Variants in COBL observed in about 807,000 individuals in gnomAD.
The protein encoded by COBL is cordon-bleu WH2 repeat protein, also known as protein cordon-bleu.
COBL carries 51 observed loss-of-function variants against 98.8 expected under a neutral mutation model. That is an observed-to-expected ratio of 0.52 (90% CI 0.41 to 0.65). The LOEUF (loss-of-function observed/expected upper bound fraction) is 0.65. Among genes scored for constraint, COBL ranks in the 30% least tolerant of loss-of-function variants. The probability of loss-of-function intolerance (pLI) is 0.00; values close to 1 mark genes in which losing one functional copy is unlikely to be tolerated. For synonymous variants in COBL, 634 were observed against 651.7 expected (o/e 0.97, Z 0.41); for missense variants, 1,617 against 1,617.5 (o/e 1.00, Z 0.01).
chr7:51,190,573 C>CACCTT (rs1372696008), intron 4 of COBL, among the ~76,000 whole-genome samples: 1 of 152,170 alleles, frequency 6.6e-6, no homozygotes, highest in Non-Finnish European at 1.5e-5. Flanking sequence ...AATCTCACCT[C>CACCTT]ACCTTTTCCC....
rs545077679 is a variant in COBL, at chr7:51,177,211, C to T, written c.783+6891G>A. Among the ~76,000 whole-genome samples, 20 of 152,240 alleles carry T rather than the reference C, an allele frequency of 1.3e-4. 1 individual carries two copies. In the South Asian group the frequency reaches 2.5e-3, roughly 19 times the overall value. ...GGCCAAGAGCTGTGGGGCAGAGCTA[C>T]GCTACATGTCTTCCCTGGCTCACTT... On this transcript the variant is annotated intron_variant, in intron 5 of 12. Coordinates refer to ENST00000265136, the MANE Select transcript of COBL (RefSeq NM_015198.5).
chr7:51,222,947 G>C (rs1194469107), intron 1 of COBL, among the ~76,000 whole-genome samples: 1 of 152,144 alleles, frequency 6.6e-6, no homozygotes, highest in Non-Finnish European at 1.5e-5. Context: ...CCTTGTAATA[G>C]AATTTTATCC....
Position 51,302,556 on chromosome 7 carries a change from G to T in COBL, c.41+14037C>A, listed in dbSNP as rs956168118. On this transcript the variant is annotated intron_variant, in intron 1 of 12. Coordinates refer to ENST00000265136, the MANE Select transcript of COBL (RefSeq NM_015198.5). ...ATATTGCGCCATTGCACTCCAGCCT[G>T]GGCAACAAGAGCGAAACTCCGTCTC... 4.0e-5 allele frequency among the ~76,000 whole-genome samples: 6 copies of T among 150,252 alleles called. No individual in the cohort carries two copies. In the East Asian group the frequency reaches 6.0e-4, roughly 15 times the overall value.
chr7:51,078,575 T>C (rs1262413063), intron 7 of COBL, among the ~76,000 whole-genome samples: 1 of 152,246 alleles, frequency 6.6e-6, no homozygotes, highest in African/African-American at 2.4e-5. Flanking sequence ...TTTAGTTATC[T>C]ATTGCTGCAG....
At chr7:51,106,483 G>A (rs1237753974) in intron 6 of COBL, among the ~76,000 whole-genome samples, 3 of 152,262 alleles carry the variant, frequency 2.0e-5, no homozygotes, top group South Asian at 2.1e-4. Flanking sequence ...TCCCAAATCC[G>A]AAACAAGAAA....
intron 7 of COBL, among the ~76,000 whole-genome samples, chr7:51,066,867 G>A (rs553987848): frequency 7.2e-5 from 11 of 152,222 alleles, no homozygotes; most frequent in Non-Finnish European, 1.5e-4. Context: ...GGGCAGAGAC[G>A]AAAGATGAGG....
intron 1 of COBL, among the ~76,000 whole-genome samples, chr7:51,225,617 T>C (rs1475573057): frequency 6.6e-6 from 1 of 152,212 alleles, no homozygotes; most frequent in African/African-American, 2.4e-5. Flanking sequence ...GTTTATAAAA[T>C]GAAAAAGTAT....
chr7:51,021,707 CCATAATATACACGAAAGTGT>C (rs1349961407), intron 12 of COBL, among the ~76,000 whole-genome samples: 2 of 152,170 alleles, frequency 1.3e-5, no homozygotes, highest in Non-Finnish European at 2.9e-5. Flanking sequence ...TGTTCGCATG[CCATAATATACACGAAAGTGT>C]ATTTGCTATG....
At chr7:51,106,071 G>A (rs1303368206) in intron 6 of COBL, among the ~76,000 whole-genome samples, 1 of 150,664 alleles carries the variant, frequency 6.6e-6, no homozygotes, top group Non-Finnish European at 1.5e-5. Context: ...GGGGGTGGTG[G>A]CACGCACCTG....
chr7:51,055,676 C>A (rs943822111), intron 7 of COBL, among the ~76,000 whole-genome samples: 2 of 152,196 alleles, frequency 1.3e-5, no homozygotes, highest in African/African-American at 4.8e-5. Flanking sequence ...TGCTGCCGGC[C>A]GGCCGGCCTG....
intron 4 of COBL, among the ~76,000 whole-genome samples, chr7:51,188,123 G>A (rs2129054976): frequency 6.6e-6 from 1 of 152,372 alleles, no homozygotes; most frequent in African/African-American, 2.4e-5. Context: ...CCCTCTCAGG[G>A]CCACAGCTGC....
At chr7:51,040,579 T>C (rs1015511194) in intron 8 of COBL, among the ~76,000 whole-genome samples, 27 of 152,196 alleles carry the variant, frequency 1.8e-4, no homozygotes, top group African/African-American at 6.0e-4. Context: ...GATAGATAGG[T>C]GGCATATCTG....
chr7:51,289,720 A>C (rs2129185392), intron 1 of COBL, among the ~76,000 whole-genome samples: 1 of 152,410 alleles, frequency 6.6e-6, no homozygotes, highest in South Asian at 2.1e-4. Context: ...CAGTGATCAG[A>C]ACAAACAACT....
intron 6 of COBL, among the ~76,000 whole-genome samples, chr7:51,110,935 G>T (rs1382853183): frequency 6.6e-6 from 1 of 152,180 alleles, no homozygotes; most frequent in African/African-American, 2.4e-5. Flanking sequence ...TCCACTCATT[G>T]ATCGATGGGC....
intron 6 of COBL, among the ~76,000 whole-genome samples, chr7:51,097,280 G>A (rs1041351031): frequency 2.0e-5 from 3 of 151,910 alleles, no homozygotes; most frequent in Non-Finnish European, 2.9e-5. Flanking sequence ...TCAACAACTA[G>A]GAATCAAAGG....
intron 1 of COBL, among the ~76,000 whole-genome samples, chr7:51,233,821 C>A (rs973814216): frequency 1.3e-5 from 2 of 152,184 alleles, no homozygotes; most frequent in Non-Finnish European, 2.9e-5. Context: ...ATTTCCAGGC[C>A]TTGTTTTTGA....
intron 2 of COBL, among the ~76,000 whole-genome samples, chr7:51,207,664 G>A (rs1313886068): frequency 2.0e-5 from 3 of 152,138 alleles, no homozygotes; most frequent in East Asian, 1.9e-4. Flanking sequence ...GCTCCTAACC[G>A]CGAGTGATCC....
chr7:51,150,591 C>T (rs1460785808), intron 5 of COBL, among the ~76,000 whole-genome samples: 1 of 152,218 alleles, frequency 6.6e-6, no homozygotes, highest in East Asian at 1.9e-4. Flanking sequence ...GGGAGTCAGG[C>T]AATTCTCCAA....
chr7:51,087,770 G>A (rs914220137), intron 6 of COBL, among the ~76,000 whole-genome samples: 8 of 143,522 alleles, frequency 5.6e-5, no homozygotes, highest in African/African-American at 1.3e-4. Flanking sequence ...CACTGTGCCC[G>A]GCCCCGCCTT....
Sources: allele counts gnomAD v4.1 joint callset (sites outside exome capture counted in the v4.1 genomes callset), GRCh38; gene constraint gnomAD v4.1.1; transcripts MANE v1.5; gene names NCBI Gene and HGNC (gene_info 2026-07-23, HGNC 2026-07-21).